The following ZNF567 variants were observed in gnomAD, a reference collection of about 807,000 sequenced individuals.
ZNF567 encodes the protein zinc finger protein 567.
ZNF567 carries 36 observed loss-of-function variants against 53.9 expected under a neutral mutation model. The ratio of observed to expected loss-of-function variants is 0.67; its 90% confidence interval spans 0.51 to 0.88. ZNF567 has a LOEUF of 0.88. Ranked by LOEUF, ZNF567 falls within the 40% of genes least tolerant of loss-of-function variation. ZNF567 has a pLI of 0.00. For synonymous variants in ZNF567, 224 were observed against 260.4 expected, an observed-to-expected ratio of 0.86 and a Z score of 1.35; for missense variants, 619 against 764.7, an observed-to-expected ratio of 0.81 and a Z score of 2.25.
At chr19:36,691,420 C>A (rs1050554884) in intron 2 of ZNF567, among the ~76,000 whole-genome samples, 1 of 151,944 alleles carries the variant, frequency 6.6e-6, no homozygotes, top group African/African-American at 2.4e-5. Context: ...CCCACCTTGG[C>A]CTCCTCAGGT....
At chr19:36,687,113 C>A (rs2038293457), upstream of ZNF567, among the ~76,000 whole-genome samples, 1 of 152,208 alleles carries the variant, frequency 6.6e-6, no homozygotes, top group Non-Finnish European at 1.5e-5. Flanking sequence ...GTTACACACA[C>A]AACACCACAG....
downstream of ZNF567, among the ~76,000 whole-genome samples, chr19:36,724,999 G>A (rs2040330063): frequency 6.6e-6 from 1 of 151,966 alleles, no homozygotes; most frequent in Non-Finnish European, 1.5e-5. Flanking sequence ...ATTAATGTAG[G>A]TTTCTTTCAT....
intron 3 of ZNF567, among the ~76,000 whole-genome samples, chr19:36,708,887 GT>G (rs1171805861): frequency 6.6e-6 from 1 of 152,102 alleles, no homozygotes. Flanking sequence ...TAGCTTTTTA[GT>G]TATGCGTTTG....
At chr19:36,714,306 T>G (rs2039937714) in intron 5 of ZNF567, 2 of 332,574 alleles carry the variant, frequency 6.0e-6, no homozygotes. Context: ...GGATTACAGG[T>G]GCGCATCAAC....
chr19:36,725,805 G>A (rs141040512), downstream of ZNF567, among the ~76,000 whole-genome samples: 11 of 152,174 alleles, frequency 7.2e-5, no homozygotes, highest in East Asian at 1.4e-3. Flanking sequence ...TGCACCAAGA[G>A]GCCTGGCTAA....
the ZNF567 span, among the ~76,000 whole-genome samples, chr19:36,669,777 AG>A: frequency 6.6e-6 from 1 of 152,110 alleles, no homozygotes; most frequent in East Asian, 1.9e-4. Context: ...CCTTTGTTCA[AG>A]GGCTTCTGGG....
At chr19:36,698,719 T>C (rs1384789200) in intron 3 of ZNF567, among the ~76,000 whole-genome samples, 4 of 152,134 alleles carry the variant, frequency 2.6e-5, no homozygotes, top group Non-Finnish European at 4.4e-5. Flanking sequence ...TGCATAAATG[T>C]CTTCTTTTGA....
intron 5 of ZNF567, 108 bp downstream of exon 5, chr19:36,712,975 C>T (rs370774306): frequency 3.5e-6 from 3 of 848,956 alleles, no homozygotes; most frequent in East Asian, 2.7e-5. Flanking sequence ...TTTTTAAAGG[C>T]TCTTGACCTC....
chr19:36,671,994 C>G, the ZNF567 span, among the ~76,000 whole-genome samples: 3 of 152,242 alleles, frequency 2.0e-5, no homozygotes, highest in Non-Finnish European at 4.4e-5. Flanking sequence ...CCAGCCTGCA[C>G]TCGTGGCCTC....
chr19:36,690,728 ATTGT>A (rs1336488628), intron 2 of ZNF567, among the ~76,000 whole-genome samples: 1 of 152,168 alleles, frequency 6.6e-6, no homozygotes, highest in Non-Finnish European at 1.5e-5. Flanking sequence ...GTTGTGGATG[ATTGT>A]TCATTATGAT....
intron 3 of ZNF567, among the ~76,000 whole-genome samples, chr19:36,709,178 C>T (rs932800043): frequency 2.0e-5 from 3 of 152,106 alleles, no homozygotes; most frequent in African/African-American, 7.2e-5. Flanking sequence ...GCATTTGAAA[C>T]GTTTGAAAAC....
At chr19:36,702,397 T>C (rs1600528290) in intron 3 of ZNF567, among the ~76,000 whole-genome samples, 2 of 151,816 alleles carry the variant, frequency 1.3e-5, no homozygotes, top group African/African-American at 4.8e-5. Flanking sequence ...CTGACAATTA[T>C]GTGTCTTGGA....
chr19:36,712,689 G>T, intron 4 of ZNF567, 92 bp from the exon 5 acceptor site: 1 of 1,387,468 alleles, frequency 7.2e-7, no homozygotes, highest in East Asian at 2.3e-5. Flanking sequence ...ACACAAATGG[G>T]TGTCTTAATT....
chr19:36,719,674 C>T lies in ZNF567; in HGVS notation c.950C>T (p.Ser317Phe). The T allele has an allele frequency of 1.2e-6, 2 of 1,614,128 alleles. No homozygotes were observed. Among genetic ancestry groups the T allele is most frequent in the Non-Finnish European group, 1.7e-6 (2 of 1,180,024 alleles). The change falls in exon 6 of 6, where the codon TCC becomes TTC. Residue 317 changes from serine to phenylalanine, a missense_variant. Coordinates refer to ENST00000682579, the MANE Select transcript of ZNF567 (RefSeq NM_001322917.1). ...KPFVCNECGKSFRLKTALTDH... is the reference protein window; with the variant it reads ...KPFVCNECGKFFRLKTALTDH... ...TTTGTTTGCAATGAATGTGGTAAGT[C>T]CTTCCGCCTCAAGACAGCCCTCACT...
rs750497337 is a variant in ZNF567 at position 36,719,895 on chromosome 19, A to C, written c.1171A>C (p.Lys391Gln). Residue 391 changes from lysine (K) to glutamine (Q), a missense_variant, in exon 6 of 6, where the codon AAA becomes CAA. Physicochemically the swap from Lys to Gln is moderately conservative, Grantham distance 53. Transcript: ENST00000682579. ...SLHQRIHTGEKPYICKECGKS... is the reference protein window; with the variant it reads ...SLHQRIHTGEQPYICKECGKS... The stretch of plus-strand genomic sequence containing the variant: ...ACATCAGAGAATCCATACAGGTGAG[A>C]AACCCTACATTTGTAAAGAATGTGG... 3 of 1,609,388 alleles carry C rather than the reference A, an allele frequency of 1.9e-6. No homozygotes were observed. The highest frequency in any genetic ancestry group is 2.6e-6 in the Non-Finnish European group (3 of 1,176,344).
intron 3 of ZNF567, chr19:36,711,437 A>G (rs930016109): frequency 6.6e-6 from 1 of 152,228 alleles, no homozygotes; most frequent in Non-Finnish European, 1.5e-5. Context: ...CCACAAAATT[A>G]GCAGTTCTTG....
chr19:36,693,937 G>A (rs1325814065), intron 2 of ZNF567, among the ~76,000 whole-genome samples: 1 of 152,198 alleles, frequency 6.6e-6, no homozygotes, highest in East Asian at 1.9e-4. Flanking sequence ...AATGGCTTAC[G>A]CCTGTAATCA....
the ZNF567 span, among the ~76,000 whole-genome samples, chr19:36,676,055 C>CTTTTT: frequency 2.6e-4 from 16 of 60,618 alleles, 2 homozygotes; most frequent in East Asian, 1.0e-3. Flanking sequence ...TATTCTACAC[C>CTTTTT]TTTTTTTTTT....
intron 4 of ZNF567, 26 bp from the exon 5 acceptor site, chr19:36,712,755 A>G (rs191355435): frequency 6.2e-7 from 1 of 1,605,212 alleles, no homozygotes; most frequent in Middle Eastern, 1.7e-4. Flanking sequence ...AGCCCAATCA[A>G]CTTAAGTCTT....
Sources: allele counts gnomAD v4.1 joint callset (sites outside exome capture counted in the v4.1 genomes callset), GRCh38; gene constraint gnomAD v4.1.1; transcripts MANE v1.5; gene names NCBI Gene and HGNC (gene_info 2026-07-23, HGNC 2026-07-21).